MMP16: variants seen among roughly 807,000 people sequenced by gnomAD.
The protein encoded by MMP16 is matrix metalloproteinase-16.
Under a neutral mutation model 67.8 loss-of-function variants are expected in MMP16, and 12 were observed. The observed-to-expected ratio is 0.18, with a 90% confidence interval of 0.11 to 0.29. The LOEUF (loss-of-function observed/expected upper bound fraction) is 0.29. Ranked by LOEUF, MMP16 falls within the 10% of genes least tolerant of loss-of-function variation. The pLI, the probability that MMP16 is intolerant of heterozygous loss-of-function variation, is 1.00. For missense variants in MMP16, 475 were observed against 765.7 expected, an observed-to-expected ratio of 0.62 and a Z score of 4.48; for synonymous variants, 249 against 255.9, an observed-to-expected ratio of 0.97 and a Z score of 0.26.
chr8:88,129,332 T>C (rs1807988821), intron 4 of MMP16, among the ~76,000 whole-genome samples: 1 of 151,804 alleles, frequency 6.6e-6, no homozygotes, highest in Admixed American at 6.6e-5. Flanking sequence ...ATGGCCTAGG[T>C]ATAAACAATT....
At chr8:88,118,016 A>T (rs961279112) in intron 5 of MMP16, among the ~76,000 whole-genome samples, 1 of 152,112 alleles carries the variant, frequency 6.6e-6, no homozygotes, top group African/African-American at 2.4e-5. Context: ...AGTTACGATT[A>T]TAGTAAATAT....
chr8:88,111,053 T>C (rs759917876), intron 6 of MMP16, among the ~76,000 whole-genome samples: 2 of 151,654 alleles, frequency 1.3e-5, no homozygotes, highest in African/African-American at 2.4e-5. Context: ...GTGTGGAGCA[T>C]ACAGCAAATG....
At position 88,082,571 on chromosome 8, in the gene MMP16, G is replaced by C. The variant is rs529364533; in HGVS notation, c.1084-7828C>G. On this transcript the variant is annotated intron_variant, in intron 6 of 9. Transcript: ENST00000286614. ...AATGTATTCTATCTTCTGTGTAAAA[G>C]AGGATGGGAAAATTTATCTATATTA... Among the ~76,000 whole-genome samples the C allele has an allele frequency of 1.9e-3, 293 of 152,168 alleles. 2 individuals are homozygous for C. The highest frequency in any genetic ancestry group is 6.8e-3 in the African/African-American group (281 of 41,540).
chr8:88,273,841 TG>T (rs1474016979), intron 1 of MMP16, among the ~76,000 whole-genome samples: 1 of 152,120 alleles, frequency 6.6e-6, no homozygotes, highest in Non-Finnish European at 1.5e-5. Context: ...CAAGAAAAAC[TG>T]ATGTTACAAG....
intron 3 of MMP16, among the ~76,000 whole-genome samples, chr8:88,180,068 G>C (rs896445710): frequency 6.6e-6 from 1 of 152,144 alleles, no homozygotes; most frequent in Non-Finnish European, 1.5e-5. Flanking sequence ...GATCACCTGA[G>C]GTTGGGAGTT....
Position 88,052,635 on chromosome 8 carries a change from GGGCCCT to G in MMP16, c.1373+3487_1373+3492del, listed in dbSNP as rs1445305625. 4.6e-5 allele frequency among the ~76,000 whole-genome samples: 7 copies of G among 152,190 alleles called. No homozygotes were observed. The South Asian group carries it at 1.2e-3, about 27-fold the overall frequency. On this transcript the variant is annotated intron_variant, in intron 8 of 9. Transcript: ENST00000286614. Reference sequence around the variant, plus strand: ...TTCAAACTGTTTGCCATGGGCTACAGGGCCCTGTGAAATCTGGTCCCTATCAACCAG... The same window carrying G: ...TTCAAACTGTTTGCCATGGGCTACAGGTGAAATCTGGTCCCTATCAACCAG...
intron 1 of MMP16, among the ~76,000 whole-genome samples, chr8:88,260,197 G>A (rs911022476): frequency 2.0e-5 from 3 of 152,084 alleles, no homozygotes; most frequent in African/African-American, 7.2e-5. Context: ...TGGTTCAACT[G>A]CTTCGCACAA....
chr8:88,109,775 TA>T (rs1328127960), intron 6 of MMP16, among the ~76,000 whole-genome samples: 7 of 151,222 alleles, frequency 4.6e-5, no homozygotes, highest in Admixed American at 4.0e-4. Context: ...AAAATGTCAA[TA>T]TAAAAAAGAT....
rs897682783 is a variant in MMP16 at position 88,302,747 on chromosome 8, G to A, written c.132+24328C>T. Among the ~76,000 whole-genome samples, 18 of 152,160 alleles carry A rather than the reference G, an allele frequency of 1.2e-4. No homozygotes were observed. In the East Asian group the frequency reaches 3.1e-3, roughly 26 times the overall value. ...TCCAAGATGGCCGATTAAAAGCAGC[G>A]GCAGTCTGTAACACTCACAGAGAAG... On this transcript the variant is annotated intron_variant, in intron 1 of 9. Transcript: ENST00000286614.
chr8:88,114,408 T>C (rs1799252189), intron 6 of MMP16, among the ~76,000 whole-genome samples: 2 of 151,948 alleles, frequency 1.3e-5, no homozygotes, highest in African/African-American at 4.8e-5. Context: ...TTCAGTACTT[T>C]ATCTTTGTTT....
intron 1 of MMP16, among the ~76,000 whole-genome samples, chr8:88,281,972 C>T (rs1466268874): frequency 6.6e-6 from 1 of 151,766 alleles, no homozygotes; most frequent in Non-Finnish European, 1.5e-5. Flanking sequence ...CAAATACTTC[C>T]TTCCTGTTCT....
intron 7 of MMP16, chr8:88,069,594 A>T: frequency 2.2e-6 from 1 of 456,258 alleles, no homozygotes; most frequent in South Asian, 1.8e-5. Context: ...AAATTTAGGC[A>T]GGCTTATTGC....
chr8:88,224,035 T>C (rs922618550), intron 1 of MMP16, among the ~76,000 whole-genome samples: 5 of 151,960 alleles, frequency 3.3e-5, no homozygotes. Flanking sequence ...TGAGTGATAA[T>C]GGACAAGAAC....
chr8:88,036,747 A>G lies in MMP16; in HGVS notation c.*4714T>C, dbSNP rs1218058193. 6.6e-6 allele frequency: 1 copy of G among 151,730 alleles called. No individual in the cohort carries two copies. Among genetic ancestry groups the G allele is most frequent in the African/African-American group, 2.4e-5 (1 of 41,382 alleles). 9.4% of individuals were successfully genotyped at this position (151,730 alleles called of 1,614,324 possible). A position where few individuals can be genotyped will look rare whatever the true frequency, so the allele number is the denominator to read the frequency against. On this transcript the variant is annotated 3_prime_UTR_variant, in exon 10 of 10. Coordinates refer to ENST00000286614, the MANE Select transcript of MMP16 (RefSeq NM_005941.5). ...CTGTAATAGGTCATCTGAAATGCACATTTTTGGTTTATATAGCATATTCTA... is the reference window on the plus strand; with the variant it reads ...CTGTAATAGGTCATCTGAAATGCACGTTTTTGGTTTATATAGCATATTCTA...
chr8:88,146,603 T>C (rs1303255992), intron 4 of MMP16, among the ~76,000 whole-genome samples: 5 of 151,982 alleles, frequency 3.3e-5, no homozygotes, highest in African/African-American at 9.7e-5. Flanking sequence ...CTTGCAACCA[T>C]AGTACTATAT....
At chr8:88,069,818 A>G (rs1186863907) in intron 7 of MMP16, among the ~76,000 whole-genome samples, 1 of 152,164 alleles carries the variant, frequency 6.6e-6, no homozygotes, top group Non-Finnish European at 1.5e-5. Flanking sequence ...CATAAGCATA[A>G]GGCAGGCTAA....
chr8:88,260,082 A>C (rs757153271), intron 1 of MMP16, among the ~76,000 whole-genome samples: 2 of 152,184 alleles, frequency 1.3e-5, no homozygotes, highest in African/African-American at 2.4e-5. Context: ...ATTAGAAAAA[A>C]CAAGCCCATG....
chr8:88,275,439 T>C (rs1810633314), intron 1 of MMP16, among the ~76,000 whole-genome samples: 1 of 151,994 alleles, frequency 6.6e-6, no homozygotes, highest in South Asian at 2.1e-4. Context: ...AGTTCCAATA[T>C]AGCTTAGCCA....
chr8:88,072,702 C>T (rs1808579651), intron 7 of MMP16, among the ~76,000 whole-genome samples: 3 of 152,080 alleles, frequency 2.0e-5, no homozygotes, highest in African/African-American at 7.2e-5. Flanking sequence ...TATTGAGCAC[C>T]TACTATGCAC....
Sources: allele counts gnomAD v4.1 joint callset (sites outside exome capture counted in the v4.1 genomes callset), GRCh38; gene constraint gnomAD v4.1.1; transcripts MANE v1.5; gene names NCBI Gene and HGNC (gene_info 2026-07-23, HGNC 2026-07-21).